The following CCSER1 variants were observed in gnomAD, a reference collection of about 807,000 sequenced individuals.
CCSER1 encodes the protein serine-rich coiled-coil domain-containing protein 1.
A neutral mutation model predicts 82.0 loss-of-function variants in CCSER1; 41 were observed. That is an observed-to-expected ratio of 0.50 (90% CI 0.39 to 0.65). The LOEUF is 0.65. Ranked by LOEUF, CCSER1 falls within the 30% of genes least tolerant of loss-of-function variation. The probability of loss-of-function intolerance (pLI) is 0.00; values close to 1 mark genes in which losing one functional copy is unlikely to be tolerated. For synonymous variants in CCSER1, 414 were observed against 383.9 expected (o/e 1.08, Z -0.92); for missense variants, 1,119 against 1,064.2 (o/e 1.05, Z -0.72).
chr4:91,066,535 C>A (rs1436677721), intron 9 of CCSER1, among the ~76,000 whole-genome samples: 1 of 152,044 alleles, frequency 6.6e-6, no homozygotes, highest in Non-Finnish European at 1.5e-5. Flanking sequence ...AAAAGAATAA[C>A]CAGAGAATAG....
At chr4:91,514,264 T>C (rs1759981069) in intron 10 of CCSER1, among the ~76,000 whole-genome samples, 1 of 152,184 alleles carries the variant, frequency 6.6e-6, no homozygotes, top group Admixed American at 6.6e-5. Flanking sequence ...CTTGTGTGGT[T>C]TTGGGAAATT....
intron 10 of CCSER1, among the ~76,000 whole-genome samples, chr4:91,570,770 C>T (rs1373064209): frequency 6.6e-6 from 1 of 152,172 alleles, no homozygotes; most frequent in Non-Finnish European, 1.5e-5. Context: ...CTGACATGCC[C>T]TGGAGACATT....
rs548034113 is a variant in CCSER1, at chr4:91,168,666, C to T, written c.2217+82672C>T. On this transcript the variant is annotated intron_variant, in intron 10 of 10. Coordinates refer to ENST00000509176, the MANE Select transcript of CCSER1 (RefSeq NM_001145065.2). ...GGAAGTGAGGAGTGCCTCTGCCCGACCGCCCCATCTGGGAGGTGTACCCAA... is the reference window on the plus strand; with the variant it reads ...GGAAGTGAGGAGTGCCTCTGCCCGATCGCCCCATCTGGGAGGTGTACCCAA... Among the ~76,000 whole-genome samples the T allele has an allele frequency of 3.9e-5, 6 of 152,282 alleles. No individual in the cohort carries two copies. The East Asian group carries it at 1.2e-3, about 29-fold the overall frequency.
At chr4:91,288,630 C>A (rs1743505504) in intron 10 of CCSER1, among the ~76,000 whole-genome samples, 1 of 151,950 alleles carries the variant, frequency 6.6e-6, no homozygotes, top group African/African-American at 2.4e-5. Flanking sequence ...ACAGCTACTG[C>A]AAGAAAGGCA....
At chr4:90,354,416 G>A (rs1397247929) in intron 3 of CCSER1, among the ~76,000 whole-genome samples, 1 of 152,084 alleles carries the variant, frequency 6.6e-6, no homozygotes, top group African/African-American at 2.4e-5. Context: ...TGTACAGCAT[G>A]GTGACAGTAG....
At chr4:90,808,629 T>C (rs777793031) in intron 7 of CCSER1, among the ~76,000 whole-genome samples, 33 of 151,902 alleles carry the variant, frequency 2.2e-4, no homozygotes, top group Non-Finnish European at 1.2e-4. Context: ...CAACAAACCA[T>C]ATGAAAAAAT....
In CCSER1 at chr4:90,930,993, TACAC is replaced by T. The variant is rs1447087802; in HGVS notation, c.2172+7550_2172+7553del. Among the ~76,000 whole-genome samples, 3 of 144,964 alleles carry T rather than the reference TACAC, an allele frequency of 2.1e-5. No homozygotes were observed. In the East Asian group the frequency reaches 6.0e-4, roughly 29 times the overall value. ...ACATATATGTACATATATATTGACA[TACAC>T]ACATAAATATCCTTGAAATATATAT... On this transcript the variant is annotated intron_variant, in intron 9 of 10. Transcript: ENST00000509176.
chr4:90,263,012 A>C (rs145336128), intron 1 of CCSER1, among the ~76,000 whole-genome samples: 1,629 of 152,204 alleles, frequency 0.011, 28 homozygotes, highest in African/African-American at 0.038. Flanking sequence ...GTTGTGGACA[A>C]GGCAGAAACA....
At chr4:90,257,552 GATAGATAGATAC>G (rs1225868186) in intron 1 of CCSER1, among the ~76,000 whole-genome samples, 38 of 150,586 alleles carry the variant, frequency 2.5e-4, no homozygotes, top group African/African-American at 8.6e-4. Flanking sequence ...TAGATAGATA[GATAGATAGATAC>G]ATAGATACAT....
intron 10 of CCSER1, among the ~76,000 whole-genome samples, chr4:91,271,759 T>C (rs565201529): frequency 2.3e-4 from 35 of 152,128 alleles, no homozygotes; most frequent in Admixed American, 7.2e-4. Context: ...ACAGTTTCCT[T>C]TTGTTTGTTT....
intron 9 of CCSER1, among the ~76,000 whole-genome samples, chr4:91,055,321 T>G (rs554502276): frequency 1.3e-5 from 2 of 152,332 alleles, no homozygotes; most frequent in African/African-American, 4.8e-5. Flanking sequence ...CAAAATAACA[T>G]TTCAATACAT....
intron 7 of CCSER1, among the ~76,000 whole-genome samples, chr4:90,805,002 C>T (rs1757319947): frequency 6.6e-6 from 1 of 152,050 alleles, no homozygotes; most frequent in Non-Finnish European, 1.5e-5. Flanking sequence ...AAAATTAAAT[C>T]ACAAAATATT....
chr4:90,468,473 G>T (rs1198679062), intron 5 of CCSER1, 119 bp downstream of exon 5: 2 of 896,270 alleles, frequency 2.2e-6, no homozygotes, highest in South Asian at 2.6e-5. Context: ...TAAATTTTAT[G>T]GGTTAAAAAA....
intron 1 of CCSER1, among the ~76,000 whole-genome samples, chr4:90,303,383 C>T (rs1733557633): frequency 6.6e-6 from 1 of 152,068 alleles, no homozygotes; most frequent in African/African-American, 2.4e-5. Flanking sequence ...AGGCATCACA[C>T]TACCTGACTT....
intron 1 of CCSER1, among the ~76,000 whole-genome samples, chr4:90,271,855 TATATA>T (rs1397562161): frequency 2.1e-3 from 67 of 31,220 alleles, no homozygotes; most frequent in Non-Finnish European, 3.0e-3. Flanking sequence ...TATATATATA[TATATA>T]TATTTTTTTT....
chr4:90,217,328 C>T (rs1265058738), intron 1 of CCSER1, among the ~76,000 whole-genome samples: 1 of 152,120 alleles, frequency 6.6e-6, no homozygotes, highest in Non-Finnish European at 1.5e-5. Context: ...TCCTGAGTAG[C>T]TGGAATTACA....
chr4:90,181,899 AG>A (rs1183165935), intron 1 of CCSER1, among the ~76,000 whole-genome samples: 1 of 152,140 alleles, frequency 6.6e-6, no homozygotes, highest in Non-Finnish European at 1.5e-5. Flanking sequence ...CCATAAAAGA[AG>A]TCATTTGGTA....
chr4:90,733,884 T>G (rs1745194706), intron 7 of CCSER1, among the ~76,000 whole-genome samples: 1 of 152,028 alleles, frequency 6.6e-6, no homozygotes, highest in Non-Finnish European at 1.5e-5. Context: ...TTGGTCTGTG[T>G]GTCTGTTTTT....
At chr4:91,020,575 T>C (rs1460025769) in intron 9 of CCSER1, among the ~76,000 whole-genome samples, 2 of 151,722 alleles carry the variant, frequency 1.3e-5, no homozygotes, top group African/African-American at 2.4e-5. Context: ...GTCAGGAGAA[T>C]GGCGTGAACC....
Sources: allele counts gnomAD v4.1 joint callset (sites outside exome capture counted in the v4.1 genomes callset), GRCh38; gene constraint gnomAD v4.1.1; transcripts MANE v1.5; gene names NCBI Gene and HGNC (gene_info 2026-07-23, HGNC 2026-07-21).